Variants in AHCYL2 observed in about 807,000 individuals in gnomAD.
AHCYL2 encodes the protein adenosylhomocysteinase like 2, also known as S-adenosylhomocysteine hydrolase-like protein 2.
AHCYL2 carries 28 observed loss-of-function variants against 81.4 expected under a neutral mutation model. The ratio of observed to expected loss-of-function variants is 0.34; its 90% CI spans 0.25 to 0.47. The LOEUF is 0.47. Ranked by LOEUF, AHCYL2 falls within the 20% of genes least tolerant of loss-of-function variation. The pLI, the probability that AHCYL2 is intolerant of heterozygous loss-of-function variation, is 1.00. For missense variants in AHCYL2, 551 were observed against 785.1 expected (o/e 0.70, Z 3.56); for synonymous variants, 272 against 290.2 (o/e 0.94, Z 0.64).
chr7:129,277,867 A>G (rs1427624429), intron 1 of AHCYL2, among the ~76,000 whole-genome samples: 1 of 152,210 alleles, frequency 6.6e-6, no homozygotes, highest in Admixed American at 6.5e-5. Flanking sequence ...GGTTATTTCC[A>G]GTTTGAGGCT....
rs770162016 is a variant in AHCYL2 at position 129,389,099 on chromosome 7, G to A, written c.519G>A (p.Arg173=). 5 of 1,613,860 alleles carry A rather than the reference G, an allele frequency of 3.1e-6. No individual in the cohort carries two copies. Among genetic ancestry groups the A allele is most frequent in the Non-Finnish European group, 4.2e-6 (5 of 1,179,920 alleles). Reference sequence around the variant, plus strand: ...GCTCTGATGATGAGACATCGCCCAGGGACAAGCAGCAAAAGAACTCTAAGG... The same window carrying A: ...GCTCTGATGATGAGACATCGCCCAGAGACAAGCAGCAAAAGAACTCTAAGG... ...TDSSDDETSP[R]DKQQKNSKGS... Residue 173 remains arginine, a synonymous_variant, in exon 3 of 17, where the codon AGG becomes AGA. Coordinates refer to ENST00000325006, the MANE Select transcript of AHCYL2 (RefSeq NM_015328.4).
chr7:129,273,900 G>A (rs1297024724), intron 1 of AHCYL2, among the ~76,000 whole-genome samples: 3 of 152,202 alleles, frequency 2.0e-5, no homozygotes, highest in African/African-American at 7.2e-5. Context: ...AACAGAGACA[G>A]TAGAAAGTGA....
intron 1 of AHCYL2, among the ~76,000 whole-genome samples, chr7:129,286,664 T>A (rs1296931281): frequency 6.6e-6 from 1 of 152,148 alleles, no homozygotes; most frequent in Non-Finnish European, 1.5e-5. Context: ...TTTCACCATG[T>A]TGGCCAGCCT....
intron 1 of AHCYL2, among the ~76,000 whole-genome samples, chr7:129,329,303 T>C (rs1287803141): frequency 1.3e-5 from 2 of 152,104 alleles, no homozygotes; most frequent in Non-Finnish European, 2.9e-5. Context: ...CCTCAGCCTC[T>C]CAAGGAGCTA....
chr7:129,251,485 C>A (rs1415902589), intron 1 of AHCYL2, among the ~76,000 whole-genome samples: 5 of 152,042 alleles, frequency 3.3e-5, no homozygotes, highest in African/African-American at 4.8e-5. Context: ...TTAGTTTAAA[C>A]AGGATTTTTT....
At chr7:129,237,191 AAAC>A (rs1322380413) in intron 1 of AHCYL2, among the ~76,000 whole-genome samples, 1 of 152,148 alleles carries the variant, frequency 6.6e-6, no homozygotes, top group Non-Finnish European at 1.5e-5. Context: ...CCAAATTTAT[AAAC>A]AACATCTGTG....
intron 1 of AHCYL2, among the ~76,000 whole-genome samples, chr7:129,289,021 A>G (rs1385476455): frequency 2.6e-5 from 4 of 152,176 alleles, no homozygotes; most frequent in Admixed American, 6.5e-5. Context: ...GGCTCAAGCC[A>G]TCTGCCAGCC....
chr7:129,358,604 G>A (rs1345993323), intron 1 of AHCYL2, among the ~76,000 whole-genome samples: 1 of 152,184 alleles, frequency 6.6e-6, no homozygotes, highest in Non-Finnish European at 1.5e-5. Context: ...GGGAGAATGA[G>A]GAATTGTTGT....
chr7:129,358,626 A>G (rs1793827131), intron 1 of AHCYL2, among the ~76,000 whole-genome samples: 1 of 152,222 alleles, frequency 6.6e-6, no homozygotes, highest in African/African-American at 2.4e-5. Flanking sequence ...TAATGGGTAT[A>G]GAGTTGCAGT....
intron 1 of AHCYL2, among the ~76,000 whole-genome samples, chr7:129,362,287 T>TATA (rs1793956767): frequency 2.0e-5 from 3 of 152,202 alleles, no homozygotes; most frequent in Non-Finnish European, 2.9e-5. Context: ...AGTCTTTACC[T>TATA]GTAATGATGA....
At chr7:129,303,201 G>A in intron 1 of AHCYL2, among the ~76,000 whole-genome samples, 1 of 152,138 alleles carries the variant, frequency 6.6e-6, no homozygotes, top group East Asian at 1.9e-4. Flanking sequence ...GTTTCTCCAT[G>A]TTGGTCAGGC....
In AHCYL2 at chr7:129,370,682, G is replaced by A. The variant is rs180825777; in HGVS notation, c.364-8956G>A. On this transcript the variant is annotated intron_variant, in intron 1 of 16. Transcript: ENST00000325006. ...CACTGCACTCCAGCCTGGGCGACAGGGTGAGACTCCGTCTCAAAACAAACA... is the reference window on the plus strand; with the variant it reads ...CACTGCACTCCAGCCTGGGCGACAGAGTGAGACTCCGTCTCAAAACAAACA... Among the ~76,000 whole-genome samples the A allele has an allele frequency of 5.8e-3, 876 of 152,196 alleles. 6 individuals carry two copies. The highest frequency in any genetic ancestry group is 0.011 in the Non-Finnish European group (738 of 68,024).
intron 1 of AHCYL2, among the ~76,000 whole-genome samples, chr7:129,365,784 G>A (rs911644864): frequency 1.3e-5 from 2 of 151,756 alleles, no homozygotes; most frequent in African/African-American, 4.8e-5. Context: ...TGGGGACTGT[G>A]GGAAAAGGGG....
intron 1 of AHCYL2, among the ~76,000 whole-genome samples, chr7:129,339,428 T>C (rs974605589): frequency 6.6e-6 from 1 of 152,210 alleles, no homozygotes; most frequent in African/African-American, 2.4e-5. Context: ...ACTGCAGTGT[T>C]TGTGATAGAA....
intron 1 of AHCYL2, among the ~76,000 whole-genome samples, chr7:129,335,799 G>A (rs1050118190): frequency 1.3e-5 from 2 of 152,146 alleles, no homozygotes; most frequent in South Asian, 2.1e-4. Context: ...CAGAAACTGC[G>A]TGACTTTTCT....
chr7:129,295,885 T>A (rs538992445), intron 1 of AHCYL2, among the ~76,000 whole-genome samples: 1 of 152,334 alleles, frequency 6.6e-6, no homozygotes, highest in African/African-American at 2.4e-5. Context: ...ATATGCAGAA[T>A]TAAAGCCACT....
chr7:129,300,284 C>G lies in AHCYL2; in HGVS notation c.363+74845C>G, dbSNP rs1342442230. ...CCATGAGCCATCCCCGCCTCCCCCC[C>G]AGCCTCCTCACTACCCTTCCCAACC... On this transcript the variant is annotated intron_variant, in intron 1 of 16. Coordinates refer to ENST00000325006, the MANE Select transcript of AHCYL2 (RefSeq NM_015328.4). Among the ~76,000 whole-genome samples the G allele has an allele frequency of 8.5e-5, 13 of 152,284 alleles. No individual in the cohort carries two copies. In the South Asian group the frequency reaches 2.5e-3, roughly 29 times the overall value.
At chr7:129,385,391 C>T (rs1795154966) in intron 2 of AHCYL2, among the ~76,000 whole-genome samples, 1 of 152,168 alleles carries the variant, frequency 6.6e-6, no homozygotes. Context: ...CTTCTCCTAG[C>T]AGTAACTCAC....
intron 1 of AHCYL2, chr7:129,283,521 A>G (rs1252177229): frequency 2.3e-6 from 1 of 432,016 alleles, no homozygotes; most frequent in South Asian, 1.7e-5. Context: ...CAGGATAAAC[A>G]TATAGACTAA....
Sources: allele counts gnomAD v4.1 joint callset (sites outside exome capture counted in the v4.1 genomes callset), GRCh38; gene constraint gnomAD v4.1.1; transcripts MANE v1.5; gene names NCBI Gene and HGNC (gene_info 2026-07-23, HGNC 2026-07-21).